The following FSTL5 variants were observed in gnomAD, a reference collection of about 807,000 sequenced individuals.
FSTL5 encodes follistatin-related protein 5.
FSTL5 carries 62 observed loss-of-function variants against 89.1 expected under a neutral mutation model. The ratio of observed to expected loss-of-function variants is 0.70; its 90% confidence interval spans 0.57 to 0.86. The LOEUF (loss-of-function observed/expected upper bound fraction) is 0.86. FSTL5 is among the 40% of genes least tolerant of loss of function. FSTL5 has a pLI of 0.00. For missense variants in FSTL5, 1,057 were observed against 1,001.6 expected, an observed-to-expected ratio of 1.06 and a Z score of -0.75; for synonymous variants, 383 against 346.2, an observed-to-expected ratio of 1.11 and a Z score of -1.18.
intron 2 of FSTL5, among the ~76,000 whole-genome samples, chr4:162,102,837 C>T (rs1409654270): frequency 6.7e-6 from 1 of 149,228 alleles, no homozygotes; most frequent in Non-Finnish European, 1.5e-5. Flanking sequence ...ATACTATAGA[C>T]ATTTGACTTT....
chr4:161,508,067 G>T (rs1187909257), intron 11 of FSTL5, among the ~76,000 whole-genome samples: 4 of 151,886 alleles, frequency 2.6e-5, no homozygotes, highest in Non-Finnish European at 5.9e-5. Context: ...ATTCTAAATT[G>T]TAAAAATGAA....
intron 15 of FSTL5, among the ~76,000 whole-genome samples, chr4:161,396,208 G>A (rs1295801031): frequency 6.6e-6 from 1 of 151,936 alleles, no homozygotes; most frequent in Non-Finnish European, 1.5e-5. Context: ...AGTGACCGAA[G>A]TTACATGAAC....
At chr4:161,449,408 A>G (rs1298544691) in intron 15 of FSTL5, among the ~76,000 whole-genome samples, 2 of 152,218 alleles carry the variant, frequency 1.3e-5, no homozygotes, top group African/African-American at 4.8e-5. Context: ...GTGGTTTGAA[A>G]TTCCAAACAA....
chr4:162,061,134 GC>G (rs1480783653), intron 2 of FSTL5, among the ~76,000 whole-genome samples: 1 of 151,818 alleles, frequency 6.6e-6, no homozygotes. Context: ...TGAATTGTGT[GC>G]CCCCCAAAAG....
intron 4 of FSTL5, among the ~76,000 whole-genome samples, chr4:161,893,760 C>G (rs1182275332): frequency 6.6e-6 from 1 of 152,124 alleles, no homozygotes; most frequent in Non-Finnish European, 1.5e-5. Flanking sequence ...GACTGATTTG[C>G]AGTATCAGCA....
In FSTL5 at chr4:161,957,301, A is replaced by G. The variant is rs114027155; in HGVS notation, c.161-36649T>C. ...AGCACCCTAACTTTTGAGTTAATGTAAATTAAATATTAGACTCCTACACAA... is the reference window on the plus strand; with the variant it reads ...AGCACCCTAACTTTTGAGTTAATGTGAATTAAATATTAGACTCCTACACAA... On this transcript the variant is annotated intron_variant, in intron 3 of 15. Coordinates refer to ENST00000306100, the MANE Select transcript of FSTL5 (RefSeq NM_020116.5). Among the ~76,000 whole-genome samples the G allele has an allele frequency of 9.5e-3, 1,447 of 152,186 alleles. 28 individuals are homozygous for G. The highest frequency in any genetic ancestry group is 0.033 in the African/African-American group (1,354 of 41,540).
At chr4:162,088,479 C>T (rs929261760) in intron 2 of FSTL5, among the ~76,000 whole-genome samples, 1 of 152,010 alleles carries the variant, frequency 6.6e-6, no homozygotes, top group African/African-American at 2.4e-5. Flanking sequence ...GACATTTTTA[C>T]TTCATCCTCA....
chr4:161,555,851 T>G (rs1011465995), intron 8 of FSTL5, among the ~76,000 whole-genome samples: 11 of 151,526 alleles, frequency 7.3e-5, no homozygotes, highest in African/African-American at 2.4e-4. Flanking sequence ...TGTCTAAGAC[T>G]TAATAAGAGG....
intron 6 of FSTL5, among the ~76,000 whole-genome samples, chr4:161,728,901 G>A (rs1469786934): frequency 6.6e-6 from 1 of 152,110 alleles, no homozygotes; most frequent in East Asian, 1.9e-4. Context: ...GCTACCACCT[G>A]CAGTTAACGT....
intron 1 of FSTL5, among the ~76,000 whole-genome samples, chr4:162,153,863 T>C (rs556577963): frequency 1.1e-4 from 17 of 149,470 alleles, no homozygotes; most frequent in Non-Finnish European, 1.8e-4. Context: ...TGGAGTGCAA[T>C]AGCATGATCT....
At chr4:161,502,832 G>T (rs1402548425) in intron 11 of FSTL5, among the ~76,000 whole-genome samples, 1 of 151,678 alleles carries the variant, frequency 6.6e-6, no homozygotes, top group East Asian at 1.9e-4. Context: ...CAGCAAAGAG[G>T]AATATAAATG....
At chr4:162,133,446 A>G (rs1371631724) in intron 1 of FSTL5, among the ~76,000 whole-genome samples, 2 of 152,148 alleles carry the variant, frequency 1.3e-5, no homozygotes, top group African/African-American at 4.8e-5. Context: ...GTCATTGTTA[A>G]TTGATGGCTT....
At chr4:161,707,907 C>G (rs1202375897) in intron 6 of FSTL5, among the ~76,000 whole-genome samples, 1 of 151,572 alleles carries the variant, frequency 6.6e-6, no homozygotes, top group Non-Finnish European at 1.5e-5. Context: ...AGGAGCAAAG[C>G]ATTAGAAATT....
chr4:161,700,458 T>C (rs1738347932), intron 6 of FSTL5, among the ~76,000 whole-genome samples: 2 of 152,164 alleles, frequency 1.3e-5, no homozygotes, highest in African/African-American at 4.8e-5. Flanking sequence ...AATGAGAGTA[T>C]ATTTTTTTCT....
At position 161,887,390 on chromosome 4, in the gene FSTL5, ATCATCTATCTAT is replaced by A. The variant is rs1460561491; in HGVS notation, c.409+33002_409+33013del. ...TCTCTGTTTTGTATTATCTCTATCT[ATCATCTATCTAT>A]CTATCTATCTATCTATCTATCTATC... is the stretch of plus-strand genomic sequence containing the variant. On this transcript the variant is annotated intron_variant, in intron 4 of 15. Transcript: ENST00000306100. Among the ~76,000 whole-genome samples the A allele has an allele frequency of 5.3e-5, 5 of 93,524 alleles. No individual in the cohort carries two copies. In the East Asian group the frequency reaches 1.5e-3, roughly 28 times the overall value. 61.4% of individuals were successfully genotyped at this position (93,524 alleles called of 152,430 possible). A position where few individuals can be genotyped will look rare whatever the true frequency, so the allele number is the denominator to read the frequency against.
At chr4:161,931,911 A>G (rs1465531428) in intron 3 of FSTL5, among the ~76,000 whole-genome samples, 1 of 151,984 alleles carries the variant, frequency 6.6e-6, no homozygotes, top group East Asian at 1.9e-4. Context: ...CATCACTCCC[A>G]ATGGTACAGT....
intron 1 of FSTL5, among the ~76,000 whole-genome samples, chr4:162,129,734 T>C (rs925260852): frequency 2.0e-5 from 3 of 152,224 alleles, no homozygotes; most frequent in Non-Finnish European, 4.4e-5. Flanking sequence ...CAATGTAAAT[T>C]AAACAATTTT....
chr4:162,137,876 A>G (rs1423482075), intron 1 of FSTL5, among the ~76,000 whole-genome samples: 2 of 152,140 alleles, frequency 1.3e-5, no homozygotes, highest in Non-Finnish European at 2.9e-5. Flanking sequence ...AGTAAGGTCA[A>G]TTAACCTAAG....
At chr4:161,741,799 T>G (rs1286266665) in intron 6 of FSTL5, among the ~76,000 whole-genome samples, 1 of 151,254 alleles carries the variant, frequency 6.6e-6, no homozygotes, top group East Asian at 2.0e-4. Context: ...GCAATTCTCC[T>G]GCCTCAGCCC....
Sources: allele counts gnomAD v4.1 joint callset (sites outside exome capture counted in the v4.1 genomes callset), GRCh38; gene constraint gnomAD v4.1.1; transcripts MANE v1.5; gene names NCBI Gene and HGNC (gene_info 2026-07-23, HGNC 2026-07-21).